Variants in IDS observed in about 807,000 individuals in gnomAD.
IDS encodes the protein iduronate 2-sulfatase.
A neutral mutation model predicts 33.5 loss-of-function variants in IDS; 1 was observed. The observed-to-expected ratio is 0.03, with a 90% CI of 0.01 to 0.14. The LOEUF is 0.14. Ranked by LOEUF, IDS falls within the 10% of genes least tolerant of loss-of-function variation. The probability of loss-of-function intolerance (pLI) is 1.00; values close to 1 mark genes in which losing one functional copy is unlikely to be tolerated. For synonymous variants in IDS, 191 were observed against 184.4 expected (o/e 1.04, Z -0.29); for missense variants, 328 against 448.0 (o/e 0.73, Z 2.42).
In IDS at chrX:149,483,061, G is replaced by A. The variant is rs2089306604; in HGVS notation, c.1338C>T (p.Asp446=). The change falls in exon 9 of 9, where the codon GAC becomes GAT. Residue 446 remains aspartate, a synonymous_variant. Coordinates refer to ENST00000340855, the MANE Select transcript of IDS (RefSeq NM_000202.8). ...KNLLKHFRFR[D]LEEDPYLPGN... Reference sequence around the variant, plus strand: ...CAGGGAGGTACGGATCCTCTTCCAAGTCACGGAATCGAAAATGCTTCAGAA... The same window carrying A: ...CAGGGAGGTACGGATCCTCTTCCAAATCACGGAATCGAAAATGCTTCAGAA... The A allele has an allele frequency of 1.7e-6, 2 of 1,205,560 alleles. No individual in the cohort carries two copies. The highest frequency in any genetic ancestry group is 3.0e-5 in the East Asian group (1 of 33,685).
rs2089284420 is a variant in IDS, at chrX:149,479,530, A to T, written c.*3216T>A. 8.9e-6 allele frequency: 1 copy of T among 112,477 alleles called. No homozygotes were observed. The highest frequency in any genetic ancestry group is 3.2e-5 in the African/African-American group (1 of 30,895). The allele number at this position is 112,477 out of a possible 1,213,427, so 9.3% of individuals were successfully genotyped here. ...AAGGGAATAATCTGAAATACATAAA[A>T]ACATTTTATTCACAAAATTGGTCAT... On this transcript the variant is annotated 3_prime_UTR_variant, in exon 9 of 9. Transcript: ENST00000340855.
At chrX:149,494,965 G>A (rs2089424114) in intron 6 of IDS, among the ~76,000 whole-genome samples, 1 of 111,419 alleles carries the variant, frequency 9.0e-6, no homozygotes, top group African/African-American at 3.3e-5. Context: ...GGGATGAATT[G>A]GCTCCACCCA....
rs782105312 is a variant in IDS at position 149,484,800 on chromosome X, A to C, written c.1181-1582T>G. 1.5e-4 allele frequency among the ~76,000 whole-genome samples: 17 copies of C among 112,582 alleles called. No individual in the cohort carries two copies. In the South Asian group the frequency reaches 1.8e-3, roughly 12 times the overall value. ...TTCTGGATCTTTAAGACAGTGCTTT[A>C]TCATGCTTGATTTCATTTTCTAGAC... On this transcript the variant is annotated intron_variant, in intron 8 of 8. Transcript: ENST00000340855.
At chrX:149,502,015 C>A in intron 3 of IDS, 2 of 255,595 alleles carry the variant, frequency 7.8e-6, no homozygotes, top group South Asian at 3.7e-5. Context: ...ATGATAAAAA[C>A]CCACCTTGCT....
intron 6 of IDS, chrX:149,491,406 CA>C: frequency 2.2e-6 from 1 of 452,245 alleles, no homozygotes; most frequent in Non-Finnish European, 3.1e-6. Flanking sequence ...ATGCTAAGGA[CA>C]AAAATTAATC....
At position 149,479,526 on chromosome X, in the gene IDS, T is replaced by C. The variant is rs1033394220; in HGVS notation, c.*3220A>G. 1 of 112,282 alleles carries C rather than the reference T, an allele frequency of 8.9e-6. No individual in the cohort carries two copies. The highest frequency in any genetic ancestry group is 2.8e-4 in the East Asian group (1 of 3,621). The allele number at this position is 112,282 out of a possible 1,213,427, so 9.3% of individuals were successfully genotyped here. ...TCCTAAGGGAATAATCTGAAATACA[T>C]AAAAACATTTTATTCACAAAATTGG... On this transcript the variant is annotated 3_prime_UTR_variant, in exon 9 of 9. Transcript: ENST00000340855.
intron 8 of IDS, among the ~76,000 whole-genome samples, chrX:149,486,374 C>CTGT (rs1423667562): frequency 2.7e-5 from 3 of 111,527 alleles, no homozygotes; most frequent in Non-Finnish European, 5.7e-5. Context: ...GTTTTCAAAG[C>CTGT]TTTGAAGGAC....
At chrX:149,483,828 C>A (rs1237398546) in intron 8 of IDS, among the ~76,000 whole-genome samples, 1 of 112,193 alleles carries the variant, frequency 8.9e-6, no homozygotes, top group East Asian at 2.8e-4. Flanking sequence ...CCTCACCCAG[C>A]AACTGGAAAC....
At chrX:149,491,424 C>G in intron 6 of IDS, 8 of 521,558 alleles carry the variant, frequency 1.5e-5, no homozygotes, top group Non-Finnish European at 1.8e-5. Context: ...AATCTTCCAC[C>G]CCAAAGAGGG....
In IDS at chrX:149,498,215, C is replaced by T; in HGVS notation, c.600G>A (p.Gln200=). The T allele has an allele frequency of 8.3e-7, 1 of 1,211,782 alleles. No homozygotes were observed. Among genetic ancestry groups the T allele is most frequent in the East Asian group, 3.0e-5 (1 of 33,866 alleles). Residue 200 remains glutamine (Q), a synonymous_variant, in exon 5 of 9, where the codon CAG becomes CAA. Transcript: ENST00000340855. ...ACAACTGTATGGCTTGCTCAGTGCT[C>T]TGTTTGTCAGGCAAGGTGCCCTCGG... ...DVPEGTLPDK[Q]STEQAIQLLE...
chrX:149,503,797 G>A (rs782544657), intron 2 of IDS, among the ~76,000 whole-genome samples: 49 of 112,229 alleles, frequency 4.4e-4, no homozygotes, highest in African/African-American at 1.4e-3. Context: ...CAGGGAGCAG[G>A]GCCACCCTGG....
rs1557337552 is a variant in IDS at position 149,482,735 on chromosome X, G to T, written c.*11C>A. On this transcript the variant is annotated 3_prime_UTR_variant, in exon 9 of 9. Transcript: ENST00000340855. ...GAGCACATCACATTTGCCATCCATG[G>T]TTGGCAAAACTCAAGGCATCAACAA... is the stretch of plus-strand genomic sequence containing the variant. 4.1e-6 allele frequency: 5 copies of T among 1,209,401 alleles called. No homozygotes were observed. In the African/African-American group the frequency reaches 8.8e-5, roughly 21 times the overall value.
intron 3 of IDS, 77 bp downstream of exon 3, chrX:149,503,235 C>T: frequency 8.5e-7 from 1 of 1,172,254 alleles, no homozygotes; most frequent in Non-Finnish European, 1.1e-6. Context: ...GCAAAGACAG[C>T]CCCATCCCCA....
chrX:149,483,778 A>C (rs2089312651), intron 8 of IDS, among the ~76,000 whole-genome samples: 1 of 112,206 alleles, frequency 8.9e-6, no homozygotes, highest in Non-Finnish European at 1.9e-5. Flanking sequence ...TACACAACTG[A>C]AACTCTGTCC....
At chrX:149,486,810 A>G in intron 8 of IDS, 115 bp downstream of exon 8, 1 of 803,148 alleles carries the variant, frequency 1.2e-6, no homozygotes, top group Non-Finnish European at 1.9e-6. Context: ...TTCCAACACA[A>G]GGCAGGAAGG....
At chrX:149,486,860 G>A (rs1343044778) in intron 8 of IDS, 65 bp downstream of exon 8, 2 of 1,101,056 alleles carry the variant, frequency 1.8e-6, no homozygotes, top group Non-Finnish European at 2.5e-6. Context: ...ATTCAATAAA[G>A]TGGTTCACAT....
Position 149,480,120 on chromosome X carries a change from C to T in IDS, c.*2626G>A. 1 of 295,403 alleles carries T rather than the reference C, an allele frequency of 3.4e-6. No homozygotes were observed. Among genetic ancestry groups the T allele is most frequent in the Non-Finnish European group, 5.9e-6 (1 of 169,279 alleles). The allele number at this position is 295,403 out of a possible 1,213,427, so 24.3% of individuals were successfully genotyped here. On this transcript the variant is annotated 3_prime_UTR_variant, in exon 9 of 9. Coordinates refer to ENST00000340855, the MANE Select transcript of IDS (RefSeq NM_000202.8). ...CATACTGGTCAGCCAAGGAAAGGGGCATTGTGGAGTCAGGGAAGACTCTGA... is the reference window on the plus strand; with the variant it reads ...CATACTGGTCAGCCAAGGAAAGGGGTATTGTGGAGTCAGGGAAGACTCTGA...
chrX:149,496,374 G>T lies in IDS; in HGVS notation c.851C>A (p.Pro284Gln). The T allele has an allele frequency of 1.7e-6, 2 of 1,211,155 alleles. No homozygotes were observed. Among genetic ancestry groups the T allele is most frequent in the Non-Finnish European group, 2.2e-6 (2 of 895,080 alleles). ...AAAGTCCACAGGAATTGGACCATACGGCACACTGATGTTTAAGGCTTGGAC... is the reference window on the plus strand; with the variant it reads ...AAAGTCCACAGGAATTGGACCATACTGCACACTGATGTTTAAGGCTTGGAC... ...EDVQALNISVPYGPIPVDFQR... is the reference protein window; with the variant it reads ...EDVQALNISVQYGPIPVDFQR... The change falls in exon 6 of 9, where the codon CCG becomes CAG. Residue 284 changes from proline to glutamine, a missense_variant. By Grantham distance (76) the Pro-to-Gln change is moderately conservative. Around this residue, in one of 4 missense-constraint regions of IDS, gnomAD observed 265 missense variants for 339.2 expected, o/e 0.78. Coordinates refer to ENST00000340855, the MANE Select transcript of IDS (RefSeq NM_000202.8).
intron 6 of IDS, among the ~76,000 whole-genome samples, chrX:149,493,220 G>C (rs1273163659): frequency 8.9e-6 from 1 of 112,381 alleles, no homozygotes; most frequent in Non-Finnish European, 1.9e-5. Flanking sequence ...TGGGGGGCCT[G>C]GGAAGTGGCA....
Sources: allele counts gnomAD v4.1 joint callset (sites outside exome capture counted in the v4.1 genomes callset), GRCh38; gene constraint gnomAD v4.1.1; regional missense constraint gnomAD v4.1.1; transcripts MANE v1.5; gene names NCBI Gene and HGNC (gene_info 2026-07-23, HGNC 2026-07-21).